Variants in PHF20 observed in about 807,000 individuals in gnomAD.
PHF20 encodes PHD finger protein 20, also known as glioma-expressed antigen 2.
In PHF20, 23 loss-of-function variants were observed where a neutral mutation model predicts 113.5. The observed-to-expected ratio is 0.20, with a 90% CI of 0.15 to 0.29. PHF20 has a LOEUF of 0.29. Among genes scored for constraint, PHF20 ranks in the 10% least tolerant of loss-of-function variants. PHF20 has a pLI of 1.00. For missense variants in PHF20, 943 were observed against 1,219.6 expected, an observed-to-expected ratio of 0.77 and a Z score of 3.38; for synonymous variants, 434 against 457.3, an observed-to-expected ratio of 0.95 and a Z score of 0.65.
chr20:35,946,672 TTTTATTTTA>T (rs1019302530), intron 17 of PHF20, among the ~76,000 whole-genome samples: 13 of 143,622 alleles, frequency 9.1e-5, no homozygotes, highest in Non-Finnish European at 1.5e-4. Flanking sequence ...TTTTATTTTA[TTTTATTTTA>T]TTTATTTTAT....
chr20:35,899,509 G>T lies in PHF20; in HGVS notation c.1422G>T (p.Lys474Asn). 1.2e-6 allele frequency: 2 copies of T among 1,614,178 alleles called. No individual in the cohort carries two copies. The highest frequency in any genetic ancestry group is 1.7e-6 in the Non-Finnish European group (2 of 1,180,046). Reference sequence around the variant, plus strand: ...CCAAACTGTTGCACTATCACATGAAGTATTTCCATGGAATGGAGAAGTCAC... The same window carrying T: ...CCAAACTGTTGCACTATCACATGAATTATTTCCATGGAATGGAGAAGTCAC... The part of the protein sequence containing the change: ...RKAKLLHYHM[K>N]YFHGMEKSLE... Residue 474 changes from lysine to asparagine, a missense_variant, in exon 10 of 18, where the codon AAG becomes AAT. Coordinates refer to ENST00000374012, the MANE Select transcript of PHF20 (RefSeq NM_016436.5).
chr20:35,799,291 C>CAA (rs35210007), intron 1 of PHF20, among the ~76,000 whole-genome samples: 266 of 20,968 alleles, frequency 0.013, 34 homozygotes, highest in Non-Finnish European at 0.019. Flanking sequence ...ACTCTCTCTG[C>CAA]AAAAAAAAAA....
At chr20:35,946,160 G>A (rs2056079449) in intron 17 of PHF20, among the ~76,000 whole-genome samples, 2 of 150,704 alleles carry the variant, frequency 1.3e-5, no homozygotes, top group African/African-American at 4.9e-5. Context: ...CAACAAGAGC[G>A]AAACTCTGTC....
At chr20:35,899,243 G>A in intron 9 of PHF20, 127 bp from the exon 10 acceptor site, 2 of 691,638 alleles carry the variant, frequency 2.9e-6, no homozygotes, top group Non-Finnish European at 4.8e-6. Context: ...GGAGGTAATG[G>A]CAGTCTGATG....
intron 16 of PHF20, among the ~76,000 whole-genome samples, chr20:35,940,423 C>T (rs1048286722): frequency 7.2e-6 from 1 of 138,582 alleles, no homozygotes. Flanking sequence ...TTTAGTACCC[C>T]CATCCTCCCA....
At chr20:35,913,549 T>C (rs957160540) in intron 11 of PHF20, among the ~76,000 whole-genome samples, 2 of 152,198 alleles carry the variant, frequency 1.3e-5, no homozygotes, top group Non-Finnish European at 1.5e-5. Flanking sequence ...CCTGCTGGCA[T>C]TGAAAAGCCT....
At chr20:35,902,570 G>A (rs531991462) in intron 10 of PHF20, among the ~76,000 whole-genome samples, 4 of 152,228 alleles carry the variant, frequency 2.6e-5, no homozygotes, top group Admixed American at 2.0e-4. Flanking sequence ...GCACCTGAGC[G>A]TGGGGCAGGT....
intron 1 of PHF20, among the ~76,000 whole-genome samples, chr20:35,778,362 G>A (rs2041217950): frequency 6.6e-6 from 1 of 152,110 alleles, no homozygotes; most frequent in African/African-American, 2.4e-5. Flanking sequence ...ATCCTTGATT[G>A]GATTATGAGC....
chr20:35,775,012 G>A (rs763591828), intron 1 of PHF20: 7 of 152,170 alleles, frequency 4.6e-5, no homozygotes, highest in Non-Finnish European at 8.8e-5. Context: ...AATCACTGGA[G>A]GTCTGTCTGA....
intron 2 of PHF20, among the ~76,000 whole-genome samples, chr20:35,807,412 G>A (rs2041903881): frequency 6.9e-6 from 1 of 145,216 alleles, no homozygotes; most frequent in African/African-American, 2.6e-5. Flanking sequence ...AAGTGCAGTA[G>A]AGCGATTTGG....
chr20:35,896,286 C>T (rs2054981560), intron 9 of PHF20, among the ~76,000 whole-genome samples: 1 of 152,026 alleles, frequency 6.6e-6, no homozygotes, highest in African/African-American at 2.4e-5. Flanking sequence ...GTTTAACAGG[C>T]TACCTGCTTC....
chr20:35,859,465 A>G (rs193255842), intron 5 of PHF20, among the ~76,000 whole-genome samples: 93 of 152,220 alleles, frequency 6.1e-4, no homozygotes, highest in African/African-American at 1.6e-3. Context: ...CTGAGGCATC[A>G]TAACTTGCTA....
At chr20:35,792,633 G>GTCC (rs1284717134) in intron 1 of PHF20, among the ~76,000 whole-genome samples, 3 of 151,954 alleles carry the variant, frequency 2.0e-5, no homozygotes, top group African/African-American at 7.3e-5. Flanking sequence ...CTGGGAAGAG[G>GTCC]TCCTACTTGA....
intron 2 of PHF20, 149 bp downstream of exon 2, chr20:35,801,754 T>C: frequency 1.7e-6 from 1 of 583,898 alleles, no homozygotes; most frequent in Non-Finnish European, 3.1e-6. Context: ...TTCTCTTTGA[T>C]GCAGGGATCC....
chr20:35,858,246 G>C lies in PHF20; in HGVS notation c.341-56G>C, dbSNP rs1264410768. On this transcript the variant is annotated intron_variant, in intron 4 of 17. Transcript: ENST00000374012. ...ATCCCTTGTGTTTATACTTTGAAAA[G>C]TTACCACTTTTCATGAAATTGTGAG... 94 of 930,784 alleles carry C rather than the reference G, an allele frequency of 1.0e-4. No homozygotes were observed. The East Asian group carries it at 2.0e-3, about 20-fold the overall frequency. The allele number at this position is 930,784 out of a possible 1,614,324, so 57.7% of individuals were successfully genotyped here.
intron 4 of PHF20, chr20:35,849,438 A>G (rs1166803815): frequency 2.1e-6 from 1 of 471,116 alleles, no homozygotes. Flanking sequence ...GTGCTGAAAT[A>G]GAGCTACCAG....
At chr20:35,864,062 C>T (rs2054268018) in intron 6 of PHF20, among the ~76,000 whole-genome samples, 1 of 152,112 alleles carries the variant, frequency 6.6e-6, no homozygotes, top group South Asian at 2.1e-4. Context: ...AAGCCAAACA[C>T]TCGTTCTCCA....
At chr20:35,789,269 A>C (rs1453307856) in intron 1 of PHF20, among the ~76,000 whole-genome samples, 1 of 152,002 alleles carries the variant, frequency 6.6e-6, no homozygotes, top group African/African-American at 2.4e-5. Context: ...CGTCTCTAGT[A>C]AAAATACAAA....
In PHF20 at chr20:35,947,549, G is replaced by A. The variant is rs549194132; in HGVS notation, c.2961G>A (p.Pro987=). The A allele has an allele frequency of 2.5e-6, 4 of 1,614,060 alleles. No homozygotes were observed. The highest frequency in any genetic ancestry group is 1.3e-5 in the African/African-American group (1 of 75,038). Residue 987 remains proline (P), a synonymous_variant, in exon 18 of 18, where the codon CCG becomes CCA. Coordinates refer to ENST00000374012, the MANE Select transcript of PHF20 (RefSeq NM_016436.5). The stretch of plus-strand genomic sequence containing the variant: ...CCCCTGAGCCGCTGGCCAGGCTTCC[G>A]CAGCTCAAGCATTGTATCAAGCAGC... ...LEPPEPLARL[P]QLKHCIKQLL...
Sources: allele counts gnomAD v4.1 joint callset (sites outside exome capture counted in the v4.1 genomes callset), GRCh38; gene constraint gnomAD v4.1.1; transcripts MANE v1.5; gene names NCBI Gene and HGNC (gene_info 2026-07-23, HGNC 2026-07-21).